Variants in NCKAP5 observed in about 807,000 individuals in gnomAD.
NCKAP5 encodes the protein NCK associated protein 5, also known as nck-associated protein 5.
A neutral mutation model predicts 167.0 loss-of-function variants in NCKAP5; 92 were observed. The ratio of observed to expected loss-of-function variants is 0.55; its 90% CI spans 0.47 to 0.66. The LOEUF is 0.66. Among genes scored for constraint, NCKAP5 ranks in the 30% least tolerant of loss-of-function variants. The probability of loss-of-function intolerance (pLI) is 0.00; values close to 1 mark genes in which losing one functional copy is unlikely to be tolerated. For synonymous variants in NCKAP5, 891 were observed against 877.4 expected (o/e 1.02, Z -0.27); for missense variants, 2,378 against 2,315.0 (o/e 1.03, Z -0.56).
At position 132,783,792 on chromosome 2, in the gene NCKAP5, G is replaced by A; in HGVS notation, c.3019C>T (p.His1007Tyr). 6.5e-7 allele frequency: 1 copy of A among 1,549,612 alleles called. No homozygotes were observed. The change falls in exon 14 of 20, where the codon CAC becomes TAC. Residue 1007 changes from histidine (H) to tyrosine (Y), a missense_variant. By Grantham distance (83) the His-to-Tyr change is moderately conservative. This residue lies in a region of NCKAP5 where 1,325 missense variants were observed against 1,274.5 expected (regional missense o/e 1.04). Coordinates refer to ENST00000409261, the MANE Select transcript of NCKAP5 (RefSeq NM_207363.3). The stretch of plus-strand genomic sequence containing the variant: ...ACTGCTTCTGGGGAGGGCATAGGGT[G>A]AGTGAAGATAGGCTTTTTGAAGGCC... The part of the protein sequence containing the change: ...SVAFKKPIFT[H>Y]PMPSPEAVIQ...
In NCKAP5 at chr2:132,785,040, G is replaced by A. The variant is rs1172980391; in HGVS notation, c.1771C>T (p.Leu591=). 1.9e-6 allele frequency: 3 copies of A among 1,614,046 alleles called. No homozygotes were observed. The highest frequency in any genetic ancestry group is 2.5e-6 in the Non-Finnish European group (3 of 1,179,898). ...TTCTCATCACTGCTCTCTATGTGCA[G>A]CTCATCAAACGTTTCATTGTCATCA... ...DTDDNETFDE[L]HIESSDEKSP... is the part of the protein sequence containing the mutation. The change falls in exon 14 of 20, where the codon CTG becomes TTG. Residue 591 remains leucine, a synonymous_variant. Transcript: ENST00000409261.
chr2:133,172,983 C>T, intron 5 of NCKAP5, among the ~76,000 whole-genome samples: 1 of 152,052 alleles, frequency 6.6e-6, no homozygotes, highest in Non-Finnish European at 1.5e-5. Flanking sequence ...CCGTGACGGG[C>T]TATCATATCT....
intron 3 of NCKAP5, among the ~76,000 whole-genome samples, chr2:133,481,624 C>T (rs1184752279): frequency 6.6e-6 from 1 of 152,144 alleles, no homozygotes; most frequent in Non-Finnish European, 1.5e-5. Context: ...GTGTTGTTCC[C>T]CTCTTTGCGT....
chr2:133,126,390 C>T (rs753837347), intron 6 of NCKAP5, among the ~76,000 whole-genome samples: 6 of 152,226 alleles, frequency 3.9e-5, no homozygotes, highest in Non-Finnish European at 5.9e-5. Context: ...ATGTATATAT[C>T]TGGAGATTCC....
intron 3 of NCKAP5, among the ~76,000 whole-genome samples, chr2:133,381,322 A>C (rs940967658): frequency 2.6e-5 from 4 of 152,232 alleles, no homozygotes; most frequent in African/African-American, 7.2e-5. Flanking sequence ...CATGAATCAA[A>C]GTTAGCACTT....
the NCKAP5 span, among the ~76,000 whole-genome samples, chr2:133,610,888 G>C: frequency 6.6e-6 from 1 of 151,970 alleles, no homozygotes; most frequent in African/African-American, 2.4e-5. Flanking sequence ...CCTTTTACTA[G>C]ATATTCTTGC....
chr2:133,237,426 C>A (rs1192402473), intron 4 of NCKAP5, among the ~76,000 whole-genome samples: 1 of 152,114 alleles, frequency 6.6e-6, no homozygotes, highest in Non-Finnish European at 1.5e-5. Context: ...AGTTTTAGAA[C>A]ATTGCATTAA....
chr2:133,370,589 C>G (rs921367092), intron 3 of NCKAP5, among the ~76,000 whole-genome samples: 17 of 151,988 alleles, frequency 1.1e-4, no homozygotes, highest in African/African-American at 4.1e-4. Context: ...GAAAATAAGA[C>G]CCCTTTCAAA....
intron 19 of NCKAP5, among the ~76,000 whole-genome samples, chr2:132,712,889 T>TC (rs1689000122): frequency 6.6e-6 from 1 of 152,022 alleles, no homozygotes; most frequent in Non-Finnish European, 1.5e-5. Context: ...CACACCCAGA[T>TC]CCAGATCAAC....
chr2:133,199,194 G>A (rs1016528368), intron 5 of NCKAP5, among the ~76,000 whole-genome samples: 1 of 151,674 alleles, frequency 6.6e-6, no homozygotes, highest in Non-Finnish European at 1.5e-5. Flanking sequence ...GTAAACATAG[G>A]GTAGGCAAAC....
chr2:133,399,396 AAC>A (rs1049203119), intron 3 of NCKAP5, among the ~76,000 whole-genome samples: 5 of 152,016 alleles, frequency 3.3e-5, no homozygotes, highest in African/African-American at 1.2e-4. Flanking sequence ...AAAAAAAAAA[AAC>A]AAAACATAAA....
At chr2:133,560,302 C>T (rs1051755882) in intron 1 of NCKAP5, among the ~76,000 whole-genome samples, 1 of 152,158 alleles carries the variant, frequency 6.6e-6, no homozygotes, top group East Asian at 1.9e-4. Flanking sequence ...TACTGTGGGC[C>T]AGCCACTGTT....
At chr2:133,422,340 A>G (rs1454104276) in intron 3 of NCKAP5, among the ~76,000 whole-genome samples, 4 of 152,218 alleles carry the variant, frequency 2.6e-5, no homozygotes, top group African/African-American at 9.6e-5. Flanking sequence ...TAAATCAAAG[A>G]GGGCAGCCCT....
At chr2:133,166,634 C>G (rs1221631649) in intron 5 of NCKAP5, among the ~76,000 whole-genome samples, 1 of 152,256 alleles carries the variant, frequency 6.6e-6, no homozygotes, top group South Asian at 2.1e-4. Context: ...ATTCCTGTTT[C>G]ATCTTAATCA....
chr2:133,606,249 A>G, the NCKAP5 span, among the ~76,000 whole-genome samples: 1 of 152,222 alleles, frequency 6.6e-6, no homozygotes, highest in African/African-American at 2.4e-5. Context: ...TAAATATCCC[A>G]TATTATAATA....
At chr2:133,473,549 T>C (rs574541407) in intron 3 of NCKAP5, among the ~76,000 whole-genome samples, 23 of 152,308 alleles carry the variant, frequency 1.5e-4, no homozygotes, top group Non-Finnish European at 3.1e-4. Context: ...CTGATACTGC[T>C]ATTCTGGGAG....
At chr2:133,320,847 G>A (rs1035829661) in intron 3 of NCKAP5, among the ~76,000 whole-genome samples, 5 of 152,162 alleles carry the variant, frequency 3.3e-5, no homozygotes, top group Non-Finnish European at 7.3e-5. Context: ...CTGTGATGAC[G>A]CTGGAGAAGT....
At chr2:133,474,020 G>C (rs1679595172) in intron 3 of NCKAP5, among the ~76,000 whole-genome samples, 1 of 152,144 alleles carries the variant, frequency 6.6e-6, no homozygotes, top group East Asian at 1.9e-4. Context: ...AGGTATCTGT[G>C]CTCCCATGTT....
the NCKAP5 span, among the ~76,000 whole-genome samples, chr2:133,607,628 T>C: frequency 3.3e-4 from 51 of 152,344 alleles, no homozygotes; most frequent in Non-Finnish European, 6.6e-4. Context: ...ATAAAATTTA[T>C]TTGATGATGC....
Sources: allele counts gnomAD v4.1 joint callset (sites outside exome capture counted in the v4.1 genomes callset), GRCh38; gene constraint gnomAD v4.1.1; regional missense constraint gnomAD v4.1.1; transcripts MANE v1.5; gene names NCBI Gene and HGNC (gene_info 2026-07-23, HGNC 2026-07-21).